Variants in ACSS3 observed in about 807,000 individuals in gnomAD.
The protein encoded by ACSS3 is acyl-CoA synthetase short-chain family member 3, mitochondrial.
ACSS3 carries 64 observed loss-of-function variants against 84.2 expected under a neutral mutation model. The observed-to-expected ratio is 0.76, with a 90% CI of 0.62 to 0.94. The LOEUF (loss-of-function observed/expected upper bound fraction) is 0.94, where lower values mean the gene tolerates loss of function less well. Among genes scored for constraint, ACSS3 ranks in the 40% least tolerant of loss-of-function variants. The pLI is 0.00. For missense variants in ACSS3, 815 were observed against 867.6 expected (o/e 0.94, Z 0.76); for synonymous variants, 317 against 310.1 (o/e 1.02, Z -0.23).
At chr12:81,133,984 T>G (rs1593110553) in intron 2 of ACSS3, among the ~76,000 whole-genome samples, 1 of 151,734 alleles carries the variant, frequency 6.6e-6, no homozygotes, top group African/African-American at 2.4e-5. Context: ...TTATCATGTG[T>G]GGCTTATAAT....
intron 8 of ACSS3, among the ~76,000 whole-genome samples, chr12:81,190,023 G>A (rs1286042885): frequency 6.6e-6 from 1 of 152,074 alleles, no homozygotes; most frequent in Non-Finnish European, 1.5e-5. Context: ...TGTTCCATCA[G>A]CCTACTTGTT....
At chr12:81,205,650 T>C (rs1331228695) in intron 9 of ACSS3, among the ~76,000 whole-genome samples, 1 of 152,086 alleles carries the variant, frequency 6.6e-6, no homozygotes, top group African/African-American at 2.4e-5. Context: ...CACTTTTTTT[T>C]CCGTGATCAT....
At chr12:81,252,986 A>G (rs1462920585) in intron 13 of ACSS3, among the ~76,000 whole-genome samples, 1 of 152,156 alleles carries the variant, frequency 6.6e-6, no homozygotes, top group African/African-American at 2.4e-5. Flanking sequence ...TCCACTACAC[A>G]TTTTCTCTGA....
intron 8 of ACSS3, among the ~76,000 whole-genome samples, chr12:81,184,749 C>T (rs919668501): frequency 6.6e-6 from 1 of 151,424 alleles, no homozygotes; most frequent in Admixed American, 6.6e-5. Context: ...TAATCAAAAC[C>T]CTTCCCACAA....
intron 13 of ACSS3, among the ~76,000 whole-genome samples, chr12:81,245,827 T>C (rs550947641): frequency 6.6e-6 from 1 of 152,150 alleles, no homozygotes; most frequent in Non-Finnish European, 1.5e-5. Flanking sequence ...AACTTTCTAC[T>C]TGTTAGAATG....
At chr12:81,217,158 A>G (rs1484569584) in intron 10 of ACSS3, among the ~76,000 whole-genome samples, 162 bp downstream of exon 10, 1 of 152,186 alleles carries the variant, frequency 6.6e-6, no homozygotes, top group African/African-American at 2.4e-5. Context: ...TATCAAAAGT[A>G]TGTTGTGGAT....
intron 1 of ACSS3, among the ~76,000 whole-genome samples, chr12:81,081,407 G>A (rs1236022414): frequency 1.3e-5 from 2 of 152,284 alleles, no homozygotes; most frequent in African/African-American, 4.8e-5. Context: ...TCACAGTTTG[G>A]TGGTTACTCC....
chr12:81,170,865 A>G (rs764902335), intron 7 of ACSS3, among the ~76,000 whole-genome samples: 1 of 151,926 alleles, frequency 6.6e-6, no homozygotes, highest in Non-Finnish European at 1.5e-5. Context: ...ATGCTTGTCT[A>G]TGTGTGTGTG....
intron 9 of ACSS3, among the ~76,000 whole-genome samples, chr12:81,209,159 T>C (rs913581625): frequency 3.3e-5 from 5 of 152,078 alleles, no homozygotes; most frequent in Admixed American, 2.6e-4. Flanking sequence ...ATGTTAGAAG[T>C]ATGCATTAAC....
chr12:81,090,863 C>G (rs76581067), intron 1 of ACSS3, among the ~76,000 whole-genome samples: 2,829 of 152,020 alleles, frequency 0.019, 52 homozygotes, highest in African/African-American at 0.044. Flanking sequence ...CCACCCACTC[C>G]CTGCAGATAC....
At chr12:81,160,881 T>A (rs1887115439) in intron 7 of ACSS3, among the ~76,000 whole-genome samples, 1 of 152,214 alleles carries the variant, frequency 6.6e-6, no homozygotes, top group Non-Finnish European at 1.5e-5. Context: ...CAAGCTGCTT[T>A]ACTGCTTTCT....
chr12:81,209,667 A>G (rs2032506459), intron 9 of ACSS3, among the ~76,000 whole-genome samples: 1 of 152,214 alleles, frequency 6.6e-6, no homozygotes, highest in South Asian at 2.1e-4. Context: ...AGGAAAGTAA[A>G]GGAAAAAAAG....
chr12:81,100,300 A>G (rs929719708), intron 1 of ACSS3, among the ~76,000 whole-genome samples: 2 of 132,986 alleles, frequency 1.5e-5, no homozygotes, highest in Non-Finnish European at 3.1e-5. Flanking sequence ...AGGTGTGATT[A>G]TAGGAGAAAA....
chr12:81,208,172 G>A (rs959478740), intron 9 of ACSS3, among the ~76,000 whole-genome samples: 2 of 152,078 alleles, frequency 1.3e-5, no homozygotes, highest in African/African-American at 4.8e-5. Flanking sequence ...TATGCCCATC[G>A]TGATGCTGTG....
chr12:81,141,533 T>G (rs561507057), intron 4 of ACSS3, among the ~76,000 whole-genome samples: 18 of 152,324 alleles, frequency 1.2e-4, no homozygotes, highest in African/African-American at 4.3e-4. Flanking sequence ...TCTATAGAAG[T>G]AAATGCATAT....
intron 2 of ACSS3, among the ~76,000 whole-genome samples, chr12:81,112,389 T>A (rs956566778): frequency 2.6e-5 from 4 of 152,184 alleles, no homozygotes; most frequent in African/African-American, 9.6e-5. Flanking sequence ...GACATTCTCA[T>A]TTTCTTTTGT....
In ACSS3 at chr12:81,259,679, AG is replaced by A; in HGVS notation, c.*4758del. Reference sequence around the variant, plus strand: ...ACGCCATCTAAAATATACAATGGATAGCATTAGTTCACTGAAAAGTCCCAGA... The same window carrying A: ...ACGCCATCTAAAATATACAATGGATACATTAGTTCACTGAAAAGTCCCAGA... On this transcript the variant is annotated 3_prime_UTR_variant, in exon 16 of 16. Coordinates refer to ENST00000548058, the MANE Select transcript of ACSS3 (RefSeq NM_024560.4). 2 of 1,533,306 alleles carry A rather than the reference AG, an allele frequency of 1.3e-6. No homozygotes were observed. Among genetic ancestry groups the A allele is most frequent in the Non-Finnish European group, 1.7e-6 (2 of 1,144,624 alleles). The allele number at this position is 1,533,306 out of a possible 1,614,324, so 95.0% of individuals were successfully genotyped here.
At chr12:81,086,346 C>A (rs894194717) in intron 1 of ACSS3, among the ~76,000 whole-genome samples, 6 of 151,984 alleles carry the variant, frequency 3.9e-5, no homozygotes, top group African/African-American at 1.5e-4. Flanking sequence ...GAAATAAGGC[C>A]TCTCAAAATA....
In ACSS3 at chr12:81,134,937, C is replaced by T. The variant is rs747764326; in HGVS notation, c.578C>T (p.Ala193Val). ...ATGTTGGCATGTGCAAGGATAGGTG[C>T]CATCCACAGTCTCATATTTGGAGGA... Reference protein sequence around the residue: ...YTMLACARIGAIHSLIFGGFA... With the variant: ...YTMLACARIGVIHSLIFGGFA... The change falls in exon 3 of 16, where the codon GCC becomes GTC. Residue 193 changes from alanine to valine, a missense_variant. Physicochemically the swap from Ala to Val is moderately conservative, Grantham distance 64. Transcript: ENST00000548058. The T allele has an allele frequency of 2.5e-6, 4 of 1,606,360 alleles. No homozygotes were observed. The highest frequency in any genetic ancestry group is 3.4e-6 in the Non-Finnish European group (4 of 1,175,784).
Sources: allele counts gnomAD v4.1 joint callset (sites outside exome capture counted in the v4.1 genomes callset), GRCh38; gene constraint gnomAD v4.1.1; transcripts MANE v1.5; gene names NCBI Gene and HGNC (gene_info 2026-07-23, HGNC 2026-07-21).